Variants in HDAC9 observed in about 807,000 individuals in gnomAD.
HDAC9 encodes MEF-2 interacting transcription repressor (MITR) protein.
In HDAC9, 41 loss-of-function variants were observed where a neutral mutation model predicts 139.4. The observed-to-expected ratio is 0.29, with a 90% CI of 0.23 to 0.38. HDAC9 has a LOEUF of 0.38. Among genes scored for constraint, HDAC9 ranks in the 10% least tolerant of loss-of-function variants. HDAC9 has a pLI of 1.00. For synonymous variants in HDAC9, 517 were observed against 476.2 expected (o/e 1.09, Z -1.12); for missense variants, 1,147 against 1,297.0 (o/e 0.88, Z 1.78).
At chr7:18,411,816 G>GTTTTTTTTTTTTT (rs1280818174) in intron 1 of HDAC9, among the ~76,000 whole-genome samples, 1 of 89,430 alleles carries the variant, frequency 1.1e-5, no homozygotes, top group Admixed American at 1.4e-4. Flanking sequence ...ATTTCAACTT[G>GTTTTTTTTTTTTT]CTTTTTTTTT....
At chr7:18,498,227 T>A (rs1797447146) in intron 2 of HDAC9, among the ~76,000 whole-genome samples, 1 of 152,138 alleles carries the variant, frequency 6.6e-6, no homozygotes, top group African/African-American at 2.4e-5. Flanking sequence ...ATATTTCATA[T>A]ATGTTCTTAA....
intron 2 of HDAC9, among the ~76,000 whole-genome samples, chr7:18,251,263 A>G (rs1794899729): frequency 1.3e-5 from 2 of 152,194 alleles, no homozygotes; most frequent in African/African-American, 4.8e-5. Context: ...GAGAGAGAAA[A>G]TTAAACACCG....
intron 22 of HDAC9, among the ~76,000 whole-genome samples, chr7:18,924,474 G>A (rs1167236406): frequency 1.3e-5 from 2 of 152,054 alleles, no homozygotes; most frequent in African/African-American, 4.8e-5. Flanking sequence ...TTTGCCCAGA[G>A]GGTAGATACT....
At chr7:18,987,565 G>A (rs1785470011) in intron 25 of HDAC9, among the ~76,000 whole-genome samples, 1 of 152,160 alleles carries the variant, frequency 6.6e-6, no homozygotes, top group Non-Finnish European at 1.5e-5. Context: ...TTGGTATCAG[G>A]ATGATGCTGG....
intron 1 of HDAC9, among the ~76,000 whole-genome samples, chr7:18,098,285 T>C (rs59938403): frequency 0.13 from 20,014 of 152,262 alleles, 1,477 homozygotes; most frequent in Admixed American, 0.2. Context: ...TGTACATATA[T>C]TGAACCTCAG....
intron 13 of HDAC9, among the ~76,000 whole-genome samples, chr7:18,745,683 A>G (rs1787888753): frequency 6.6e-6 from 1 of 150,420 alleles, no homozygotes; most frequent in African/African-American, 2.4e-5. Context: ...AGTAGCTGGG[A>G]CTACAGGCGC....
chr7:18,136,394 A>G, intron 1 of HDAC9, among the ~76,000 whole-genome samples: 1 of 152,046 alleles, frequency 6.6e-6, no homozygotes. Context: ...TGTGTCCTGA[A>G]TGGTAATGCC....
chr7:18,139,716 C>G (rs1351478858), intron 1 of HDAC9, among the ~76,000 whole-genome samples: 1 of 152,080 alleles, frequency 6.6e-6, no homozygotes. Flanking sequence ...GGAGATTACT[C>G]TGATTATTCT....
chr7:18,943,311 G>A (rs1585371055), intron 23 of HDAC9, among the ~76,000 whole-genome samples: 1 of 152,138 alleles, frequency 6.6e-6, no homozygotes, highest in East Asian at 1.9e-4. Flanking sequence ...TTCTCATTAT[G>A]TTGTATATCT....
At chr7:18,298,412 A>G (rs564461068) in intron 1 of HDAC9, among the ~76,000 whole-genome samples, 6 of 152,014 alleles carry the variant, frequency 3.9e-5, no homozygotes, top group East Asian at 3.9e-4. Context: ...CATTAGGTAT[A>G]TCTTCCAATG....
chr7:18,930,549 C>A (rs188443211), intron 22 of HDAC9, among the ~76,000 whole-genome samples: 1 of 151,954 alleles, frequency 6.6e-6, no homozygotes, highest in Non-Finnish European at 1.5e-5. Context: ...TAGCCACACT[C>A]GGCTGGCATT....
In HDAC9 at chr7:18,277,242, C is replaced by T. The variant is rs564949034; in HGVS notation, c.25+114893C>T. Among the ~76,000 whole-genome samples the T allele has an allele frequency of 2.0e-5, 3 of 152,256 alleles. No individual in the cohort carries two copies. The East Asian group carries it at 5.8e-4, about 29-fold the overall frequency. ...CTCCAGAAGAAGTAGGAGCGATCGC[C>T]TGCGGCACTGAAGAAACAGTGGCAG... On this transcript the variant is annotated intron_variant, in intron 2 of 12. Transcript: ENST00000417496.
intron 6 of HDAC9, among the ~76,000 whole-genome samples, chr7:18,621,683 T>C (rs907531231): frequency 7.2e-5 from 11 of 152,144 alleles, no homozygotes; most frequent in Admixed American, 5.2e-4. Flanking sequence ...CATTAGAAAT[T>C]TTGCTCCTTA....
intron 12 of HDAC9, among the ~76,000 whole-genome samples, chr7:18,702,006 C>T (rs1238523161): frequency 6.6e-6 from 1 of 152,200 alleles, no homozygotes; most frequent in Non-Finnish European, 1.5e-5. Flanking sequence ...CTCTCTTTCA[C>T]TCTTTTTCTT....
At chr7:18,439,776 C>G (rs1055234653) in intron 1 of HDAC9, among the ~76,000 whole-genome samples, 1 of 152,128 alleles carries the variant, frequency 6.6e-6, no homozygotes, top group Non-Finnish European at 1.5e-5. Context: ...CTCTTTCTCG[C>G]TCTTCATACA....
At chr7:18,468,355 T>C (rs1040510336) in intron 1 of HDAC9, among the ~76,000 whole-genome samples, 8 of 152,236 alleles carry the variant, frequency 5.3e-5, no homozygotes, top group Admixed American at 4.6e-4. Flanking sequence ...TGGATATTTA[T>C]TTTATTCTTT....
intron 24 of HDAC9, among the ~76,000 whole-genome samples, chr7:18,963,073 G>C (rs7789378): frequency 0.79 from 120,619 of 152,096 alleles, 48,038 homozygotes; most frequent in South Asian, 0.82. Context: ...ACAGGACTCT[G>C]CTAAAATGTA....
intron 1 of HDAC9, among the ~76,000 whole-genome samples, chr7:18,412,551 C>T (rs1198630168): frequency 1.3e-5 from 2 of 152,100 alleles, no homozygotes; most frequent in African/African-American, 2.4e-5. Flanking sequence ...GATGAAGACA[C>T]GATCATACTC....
At chr7:18,345,323 C>G (rs914748581) in intron 1 of HDAC9, among the ~76,000 whole-genome samples, 2 of 151,884 alleles carry the variant, frequency 1.3e-5, no homozygotes, top group African/African-American at 4.8e-5. Context: ...TTCTTCATTG[C>G]TTTCAGGAAT....
Sources: gnomAD v4.1 joint callset for allele counts (sites outside exome capture counted in the v4.1 genomes callset) on GRCh38, gnomAD v4.1.1 for gene constraint, MANE v1.5 for transcripts, NCBI Gene and HGNC (gene_info 2026-07-23, HGNC 2026-07-21) for gene names.